The following NDUFB9 variants were observed in gnomAD, a reference collection of about 807,000 sequenced individuals.
The protein encoded by NDUFB9 is NADH:ubiquinone oxidoreductase subunit B9.
In NDUFB9, 24 loss-of-function variants were observed where a neutral mutation model predicts 30.2. The ratio of observed to expected loss-of-function variants is 0.80; its 90% CI spans 0.58 to 1.12. The LOEUF (loss-of-function observed/expected upper bound fraction) is 1.12, where lower values mean the gene tolerates loss of function less well. NDUFB9 is among the 50% of genes most tolerant of loss of function. NDUFB9 has a pLI of 0.00. For synonymous variants in NDUFB9, 80 were observed against 84.0 expected (o/e 0.95, Z 0.26); for missense variants, 204 against 226.0 (o/e 0.90, Z 0.62).
At chr8:124,543,821 G>T (rs1822090800) in intron 2 of NDUFB9, among the ~76,000 whole-genome samples, 1 of 152,128 alleles carries the variant, frequency 6.6e-6, no homozygotes, top group Admixed American at 6.5e-5. Context: ...GTGAAATTAG[G>T]ACAATTAACG....
At position 124,546,612 on chromosome 8, in the gene NDUFB9, T is replaced by C. The variant is rs146935292; in HGVS notation, c.295-388T>C. 1.8e-3 allele frequency: 501 copies of C among 282,856 alleles called. 3 individuals carry two copies. Among genetic ancestry groups the C allele is most frequent in the African/African-American group, 0.01 (462 of 45,708 alleles). The allele number at this position is 282,856 out of a possible 1,614,324, so 17.5% of individuals were successfully genotyped here. A position where few individuals can be genotyped will look rare whatever the true frequency, so the allele number is the denominator to read the frequency against. ...GATTTAAGGTCGTACAGTATACTTT[T>C]TGCTATAACAAAGTTCATTTTGGAC... On this transcript the variant is annotated intron_variant, in intron 2 of 3. Transcript: ENST00000276689.
chr8:124,543,270 T>C lies in NDUFB9; in HGVS notation c.285T>C (p.Asp95=), dbSNP rs1586713807. ...SPGGTSYERY[D]CYKVPEWCLD... is the part of the protein sequence containing the mutation. ...GGGGCACCTCCTATGAGAGATACGA[T>C]TGCTACAAGGTAGGTGAGAATTATG... The change falls in exon 2 of 4, where the codon GAT becomes GAC. Residue 95 remains aspartate (D), a synonymous_variant. Transcript: ENST00000276689. The C allele has an allele frequency of 6.2e-7, 1 of 1,613,618 alleles. No individual in the cohort carries two copies. The highest frequency in any genetic ancestry group is 8.5e-7 in the Non-Finnish European group (1 of 1,179,556).
intron 2 of NDUFB9, among the ~76,000 whole-genome samples, chr8:124,543,924 G>C (rs1822095408): frequency 6.6e-6 from 1 of 152,206 alleles, no homozygotes; most frequent in Non-Finnish European, 1.5e-5. Flanking sequence ...TAAATCAAAA[G>C]CTAGAAATGA....
intron 3 of NDUFB9, among the ~76,000 whole-genome samples, chr8:124,549,536 T>G (rs1822280314): frequency 6.6e-6 from 1 of 152,176 alleles, no homozygotes; most frequent in Admixed American, 6.5e-5. Context: ...AAGGGTAGGC[T>G]TTGCTATTTA....
chr8:124,549,717 A>T (rs1164556413), intron 3 of NDUFB9, 44 bp from the exon 4 acceptor site: 6 of 1,590,714 alleles, frequency 3.8e-6, no homozygotes, highest in Non-Finnish European at 5.2e-6. Context: ...TTTTATAGTC[A>T]ATTAGATTCC....
chr8:124,547,859 C>G lies in NDUFB9; in HGVS notation c.408+746C>G, dbSNP rs528629728. Among the ~76,000 whole-genome samples the G allele has an allele frequency of 4.6e-5, 7 of 152,188 alleles. No homozygotes were observed. In the East Asian group the frequency reaches 1.2e-3, roughly 25 times the overall value. ...TTAGCTGGGCGTGGGGGCTGTGCACCTGTAATCCCAGCTACTTGGGAGGCT... is the reference window on the plus strand; with the variant it reads ...TTAGCTGGGCGTGGGGGCTGTGCACGTGTAATCCCAGCTACTTGGGAGGCT... On this transcript the variant is annotated intron_variant, in intron 3 of 3. Transcript: ENST00000276689.
chr8:124,543,065 T>G, intron 1 of NDUFB9, 22 bp from the exon 2 acceptor site: 1 of 1,612,256 alleles, frequency 6.2e-7, no homozygotes. Context: ...ATTTCTAATC[T>G]TCAAAATCAT....
At chr8:124,546,831 GCT>G in intron 2 of NDUFB9, 167 bp from the exon 3 acceptor site, 1 of 671,780 alleles carries the variant, frequency 1.5e-6, no homozygotes, top group Non-Finnish European at 2.7e-6. Flanking sequence ...CTTTATCTTT[GCT>G]TCCTACTTAT....
At chr8:124,543,842 A>G (rs980622778) in intron 2 of NDUFB9, among the ~76,000 whole-genome samples, 2 of 152,208 alleles carry the variant, frequency 1.3e-5, no homozygotes, top group African/African-American at 4.8e-5. Context: ...ACCATACCAT[A>G]GCCTCTAAGT....
rs764088124 is a variant in NDUFB9, at chr8:124,543,190, G to A, written c.205G>A (p.Glu69Lys). The A allele has an allele frequency of 1.9e-6, 3 of 1,614,092 alleles. No homozygotes were observed. The highest frequency in any genetic ancestry group is 2.7e-5 in the African/African-American group (2 of 74,938). Residue 69 changes from glutamate (E) to lysine (K), a missense_variant, in exon 2 of 4, where the codon GAA (glutamate) becomes AAA (lysine). Transcript: ENST00000276689. ...CACCCAGCTGCTGAAGGAGGCCGAG[G>A]AAGAATTCTGGTACCGTCAGCATCC... is the stretch of plus-strand genomic sequence containing the variant. The part of the protein sequence containing the change: ...KATQLLKEAE[E>K]EFWYRQHPQP...
In NDUFB9 at chr8:124,543,187, G is replaced by A. The variant is rs757850670; in HGVS notation, c.202G>A (p.Glu68Lys). The A allele has an allele frequency of 3.7e-6, 6 of 1,614,208 alleles. No individual in the cohort carries two copies. The highest frequency in any genetic ancestry group is 3.3e-5 in the South Asian group (3 of 91,080). Residue 68 changes from glutamate to lysine, a missense_variant, in exon 2 of 4, where the codon GAG (glutamate) becomes AAG (lysine). Glu to Lys is a moderately conservative substitution (Grantham distance 56). Coordinates refer to ENST00000276689, the MANE Select transcript of NDUFB9 (RefSeq NM_005005.3). Reference sequence around the variant, plus strand: ...GGCCACCCAGCTGCTGAAGGAGGCCGAGGAAGAATTCTGGTACCGTCAGCA... The same window carrying A: ...GGCCACCCAGCTGCTGAAGGAGGCCAAGGAAGAATTCTGGTACCGTCAGCA... ...AKATQLLKEA[E>K]EEFWYRQHPQ... is the part of the protein sequence containing the mutation.
chr8:124,539,601 G>C, intron 1 of NDUFB9: 1 of 373,742 alleles, frequency 2.7e-6, no homozygotes, highest in Non-Finnish European at 5.0e-6. Flanking sequence ...ATTGTCATGG[G>C]TCCAGCGCTC....
intron 2 of NDUFB9, among the ~76,000 whole-genome samples, chr8:124,543,844 C>T (rs919857235): frequency 6.6e-6 from 1 of 152,188 alleles, no homozygotes; most frequent in African/African-American, 2.4e-5. Flanking sequence ...CATACCATAG[C>T]CTCTAAGTGT....
intron 2 of NDUFB9, 93 bp downstream of exon 2, chr8:124,543,372 G>A (rs1822073494): frequency 2.3e-6 from 3 of 1,324,194 alleles, no homozygotes; most frequent in East Asian, 2.3e-5. Context: ...CCCTTCAAGG[G>A]GTAGCTAGGA....
intron 1 of NDUFB9, 102 bp from the exon 2 acceptor site, chr8:124,542,985 T>C (rs1822058388): frequency 4.8e-6 from 6 of 1,254,934 alleles, no homozygotes; most frequent in Non-Finnish European, 5.7e-6. Flanking sequence ...GTAGGTCCAC[T>C]GCCCATCCAG....
intron 2 of NDUFB9, among the ~76,000 whole-genome samples, chr8:124,544,328 T>A (rs1452246072): frequency 1.3e-5 from 2 of 152,214 alleles, no homozygotes; most frequent in East Asian, 3.8e-4. Flanking sequence ...AAGCAACAAG[T>A]GCTGATGGAA....
intron 1 of NDUFB9, among the ~76,000 whole-genome samples, chr8:124,542,491 C>T (rs1016571000): frequency 8.5e-5 from 13 of 152,196 alleles, no homozygotes; most frequent in Non-Finnish European, 1.5e-4. Context: ...CATCACAGCT[C>T]CGTACTTTCA....
intron 3 of NDUFB9, 127 bp from the exon 4 acceptor site, chr8:124,549,634 T>C: frequency 3.4e-6 from 3 of 879,542 alleles, no homozygotes; most frequent in East Asian, 2.5e-5. Context: ...TTTTCAATAT[T>C]GTGATCAGAT....
Position 124,539,130 on chromosome 8 carries a change from CGCA to C in NDUFB9, c.-52_-50del. On this transcript the variant is annotated 5_prime_UTR_variant, in exon 1 of 4. Transcript: ENST00000276689. ...TTCCGGCTGGCCCCGCTCAGTCACC[CGCA>C]GCAGGCGTGCAGTTTCCCGGCTCTC... 6.2e-7 allele frequency: 1 copy of C among 1,612,882 alleles called. No individual in the cohort carries two copies. The highest frequency in any genetic ancestry group is 8.5e-7 in the Non-Finnish European group (1 of 1,178,940).
Sources: gnomAD v4.1 joint callset for allele counts (sites outside exome capture counted in the v4.1 genomes callset) on GRCh38, gnomAD v4.1.1 for gene constraint, MANE v1.5 for transcripts, NCBI Gene and HGNC (gene_info 2026-07-23, HGNC 2026-07-21) for gene names.